The following MPRIP variants were observed in gnomAD, a reference collection of about 807,000 sequenced individuals.
The protein encoded by MPRIP is myosin phosphatase Rho interacting protein, also known as myosin phosphatase Rho-interacting protein.
In MPRIP, 59 loss-of-function variants were observed where a neutral mutation model predicts 234.9. The ratio of observed to expected loss-of-function variants is 0.25; its 90% confidence interval spans 0.20 to 0.31. The LOEUF is 0.31. Among genes scored for constraint, MPRIP ranks in the 10% least tolerant of loss-of-function variants. The pLI, the probability that MPRIP is intolerant of heterozygous loss-of-function variation, is 1.00. For missense variants in MPRIP, 2,436 were observed against 3,071.0 expected (o/e 0.79, Z 4.89); for synonymous variants, 1,144 against 1,263.9 (o/e 0.91, Z 2.01).
intron 15 of MPRIP, among the ~76,000 whole-genome samples, chr17:17,162,857 C>T (rs375651305): frequency 4.6e-5 from 7 of 152,212 alleles, no homozygotes; most frequent in African/African-American, 1.4e-4. Flanking sequence ...TTTTAAAATC[C>T]GAAACAGTTC....
rs1337953891 is a variant in MPRIP, at chr17:17,138,573, G to A, written c.1250+144G>A. On this transcript the variant is annotated intron_variant, in intron 7 of 23. Transcript: ENST00000651222. This position sits in a 1 kb window ranked among gnomAD's most constrained non-coding sequence, Gnocchi z 5.8. ...GCATGCTTTCTGTTCAGAGCATAGG[G>A]GTATTTTCCCTCTGGGCCCAGAACT... is the stretch of plus-strand genomic sequence containing the variant. The A allele has an allele frequency of 1.3e-5, 2 of 153,316 alleles. No homozygotes were observed. Among genetic ancestry groups the A allele is most frequent in the African/African-American group, 4.8e-5 (2 of 41,508 alleles). The allele number at this position is 153,316 out of a possible 1,614,324, so 9.5% of individuals were successfully genotyped here. A position where few individuals can be genotyped will look rare whatever the true frequency, so the allele number is the denominator to read the frequency against.
Position 17,165,375 on chromosome 17 carries a change from A to G in MPRIP, c.3784A>G (p.Arg1262Gly), listed in dbSNP as rs2045961825. 5 of 1,304,130 alleles carry G rather than the reference A, an allele frequency of 3.8e-6. No homozygotes were observed. The highest frequency in any genetic ancestry group is 5.1e-6 in the Non-Finnish European group (5 of 988,946). 80.8% of individuals were successfully genotyped at this position (1,304,130 alleles called of 1,614,324 possible). ...TRAPLGLPHT[R>G]LEDEDEDLGA... ...GGCACCTCTAGGCCTCCCACACACAAGGCTCGAGGATGAGGACGAGGACCT... is the reference window on the plus strand; with the variant it reads ...GGCACCTCTAGGCCTCCCACACACAGGGCTCGAGGATGAGGACGAGGACCT... The change falls in exon 16 of 24, where the codon AGG (arginine) becomes GGG (glycine). Residue 1262 changes from arginine (R) to glycine (G), a missense_variant. Coordinates refer to ENST00000651222, the MANE Select transcript of MPRIP (RefSeq NM_001364716.4).
rs569020451 is a variant in MPRIP, at chr17:17,190,058, C to T, written c.*5164C>T. ...TTCTTCTCTAGAGAGGTTCCTAGCC[C>T]GCTCAGCGCGAGCGTCTCCAGTAGG... On this transcript the variant is annotated 3_prime_UTR_variant, in exon 24 of 24. Transcript: ENST00000651222. 6.6e-6 allele frequency: 1 copy of T among 152,354 alleles called. No homozygotes were observed. Among genetic ancestry groups the T allele is most frequent in the African/African-American group, 2.4e-5 (1 of 41,586 alleles). The allele number at this position is 152,354 out of a possible 1,614,324, so 9.4% of individuals were successfully genotyped here. A position where few individuals can be genotyped will look rare whatever the true frequency, so the allele number is the denominator to read the frequency against.
chr17:17,049,255 CTAGA>C (rs1420536489), intron 1 of MPRIP, among the ~76,000 whole-genome samples: 1 of 152,174 alleles, frequency 6.6e-6, no homozygotes, highest in Non-Finnish European at 1.5e-5. Context: ...TGTTTTGGAA[CTAGA>C]TAAAAGTGCT....
intron 1 of MPRIP, among the ~76,000 whole-genome samples, chr17:17,056,914 A>G (rs1233329084): frequency 6.6e-6 from 1 of 152,184 alleles, no homozygotes; most frequent in Non-Finnish European, 1.5e-5. Flanking sequence ...CACTTGGCCT[A>G]ATGCTTTCAA....
intron 8 of MPRIP, 42 bp downstream of exon 8, chr17:17,142,807 G>T (rs866834193): frequency 1.2e-6 from 2 of 1,600,186 alleles, no homozygotes; most frequent in South Asian, 1.1e-5. Flanking sequence ...GGTGGCTCGG[G>T]GGCGGGTCAG....
chr17:17,132,727 TCCAC>T, intron 5 of MPRIP, among the ~76,000 whole-genome samples: 1 of 152,268 alleles, frequency 6.6e-6, no homozygotes, highest in African/African-American at 2.4e-5. Flanking sequence ...CCCATGGTCA[TCCAC>T]CCTCCATCCT....
Position 17,185,869 on chromosome 17 carries a change from C to T in MPRIP, c.*975C>T, listed in dbSNP as rs940265730. The T allele has an allele frequency of 4.9e-6, 1 of 204,696 alleles. No homozygotes were observed. The highest frequency in any genetic ancestry group is 1.5e-4 in the East Asian group (1 of 6,844). 12.7% of individuals were successfully genotyped at this position (204,696 alleles called of 1,614,324 possible). ...ATGTCAGAATCTGATGAGAACAGCA[C>T]ATTAGTGTTTATTGAGACTCCGATC... On this transcript the variant is annotated 3_prime_UTR_variant, in exon 24 of 24. Transcript: ENST00000651222.
intron 4 of MPRIP, among the ~76,000 whole-genome samples, chr17:17,131,008 C>G (rs1044447052): frequency 6.6e-6 from 1 of 152,196 alleles, no homozygotes; most frequent in East Asian, 1.9e-4. Flanking sequence ...GCAGCGCCTG[C>G]TTTTGCTGTG....
rs1233274567 is a variant in MPRIP, at chr17:17,165,518, A to C, written c.3927A>C (p.Lys1309Asn). 7.7e-7 allele frequency: 1 copy of C among 1,304,426 alleles called. No individual in the cohort carries two copies. Among genetic ancestry groups the C allele is most frequent in the Non-Finnish European group, 1.0e-6 (1 of 988,976 alleles). 80.8% of individuals were successfully genotyped at this position (1,304,426 alleles called of 1,614,324 possible). Residue 1309 changes from lysine (K) to asparagine (N), a missense_variant, in exon 16 of 24, where the codon AAA (lysine) becomes AAC (asparagine). Transcript: ENST00000651222. ...DREGHQQGTA[K>N]LDQGAPGVKR... is the part of the protein sequence containing the mutation. The stretch of plus-strand genomic sequence containing the variant: ...AGGGCCATCAGCAGGGCACAGCCAA[A>C]CTCGACCAAGGGGCACCTGGTGTTA...
chr17:17,042,810 T>TGCG lies in MPRIP; in HGVS notation c.-38_-36dup, dbSNP rs2088214388. 1 of 1,334,984 alleles carries TGCG rather than the reference T, an allele frequency of 7.5e-7. No homozygotes were observed. Among genetic ancestry groups the TGCG allele is most frequent in the Non-Finnish European group, 9.8e-7 (1 of 1,020,868 alleles). 82.7% of individuals were successfully genotyped at this position (1,334,984 alleles called of 1,614,324 possible). On this transcript the variant is annotated 5_prime_UTR_variant, in exon 1 of 24. Coordinates refer to ENST00000651222, the MANE Select transcript of MPRIP (RefSeq NM_001364716.4). Reference sequence around the variant, plus strand: ...CCGGGAGCGCCAGGCCGGCCAGGCCTGCGCCGCCGCCGCCGCCGCCGTCGC... The same window carrying TGCG: ...CCGGGAGCGCCAGGCCGGCCAGGCCTGCGGCGCCGCCGCCGCCGCCGCCGTCGC...
chr17:17,127,894 G>C (rs2090523618), intron 4 of MPRIP, among the ~76,000 whole-genome samples: 2 of 152,246 alleles, frequency 1.3e-5, no homozygotes. Context: ...AGGCGTCCAG[G>C]AGCCAGTGCT....
intron 3 of MPRIP, among the ~76,000 whole-genome samples, chr17:17,094,110 G>A (rs992797205): frequency 4.0e-5 from 6 of 151,650 alleles, no homozygotes; most frequent in East Asian, 3.9e-4. Flanking sequence ...TTGTTTGTTC[G>A]TTTTTGTTTT....
rs1426509393 is a variant in MPRIP, at chr17:17,166,774, T to C, written c.5183T>C (p.Leu1728Ser). The change falls in exon 16 of 24, where the codon TTG becomes TCG. Residue 1728 changes from leucine (L) to serine (S), a missense_variant. Transcript: ENST00000651222. This position sits in a 1 kb window ranked among gnomAD's most constrained non-coding sequence, Gnocchi z 4.4. ...TTTGAAAGAGTGATGCAGCAGGTCT[T>C]GGAAGCCCTCAGGCTTCCAGCGGGC... ...PDFERVMQQVLEALRLPAGHE... is the reference protein window; with the variant it reads ...PDFERVMQQVSEALRLPAGHE... The C allele has an allele frequency of 7.7e-7, 1 of 1,304,096 alleles. No individual in the cohort carries two copies. Among genetic ancestry groups the C allele is most frequent in the Non-Finnish European group, 1.0e-6 (1 of 988,958 alleles). The allele number at this position is 1,304,096 out of a possible 1,614,324, so 80.8% of individuals were successfully genotyped here.
chr17:17,048,891 A>G (rs964399101), intron 1 of MPRIP, among the ~76,000 whole-genome samples: 100 of 152,394 alleles, frequency 6.6e-4, no homozygotes, highest in East Asian at 1.2e-3. Context: ...ACAAATGTTC[A>G]TAACAGCACT....
In MPRIP at chr17:17,171,756, G is replaced by A. The variant is rs756119982; in HGVS notation, c.6363G>A (p.Thr2121=). The A allele has an allele frequency of 9.3e-6, 15 of 1,613,500 alleles. No homozygotes were observed. The highest frequency in any genetic ancestry group is 2.7e-5 in the African/African-American group (2 of 74,918). Reference sequence around the variant, plus strand: ...GAGGGTTTGCAGCAATGGAAGAAACGCACCAGAAGAAGATTGAAGATCTCC... The same window carrying A: ...GAGGGTTTGCAGCAATGGAAGAAACACACCAGAAGAAGATTGAAGATCTCC... ...CERGFAAMEE[T]HQKKIEDLQR... is the part of the protein sequence containing the mutation. The change falls in exon 17 of 24, where the codon ACG becomes ACA. Residue 2121 remains threonine, a synonymous_variant. Transcript: ENST00000651222.
intron 3 of MPRIP, among the ~76,000 whole-genome samples, chr17:17,097,721 G>A (rs2089877708): frequency 6.6e-6 from 1 of 152,204 alleles, no homozygotes; most frequent in African/African-American, 2.4e-5. Context: ...TGAGACAGCT[G>A]ATAGTTACCT....
intron 22 of MPRIP, 140 bp from the exon 23 acceptor site, chr17:17,179,863 A>G: frequency 1.5e-6 from 1 of 671,694 alleles, no homozygotes; most frequent in Non-Finnish European, 2.6e-6. Flanking sequence ...TTGGCTTTGA[A>G]TTCCCTTAGA....
rs752317004 is a variant in MPRIP at position 17,172,805 on chromosome 17, C to T, written c.6580C>T (p.Arg2194Cys). Residue 2194 changes from arginine (R) to cysteine (C), a missense_variant, in exon 18 of 24, where the codon CGC (arginine) becomes TGC (cysteine). Arg to Cys is a radical substitution (Grantham distance 180, BLOSUM62 -3). Around this residue, in one of 4 missense-constraint regions of MPRIP, gnomAD observed 1,998 missense variants for 2,520.3 expected, o/e 0.79. Transcript: ENST00000651222. ...SVNSDVEALR[R>C]QYLEELQSVQ... ...CAACTCGGATGTTGAGGCCCTGCGG[C>T]GCCAGTACCTGTAAGTGGCTGGGCC... is the stretch of plus-strand genomic sequence containing the variant. 27 of 1,612,050 alleles carry T rather than the reference C, an allele frequency of 1.7e-5. No individual in the cohort carries two copies. The highest frequency in any genetic ancestry group is 8.9e-5 in the East Asian group (4 of 44,886).
Sources: gnomAD v4.1 joint callset for allele counts (sites outside exome capture counted in the v4.1 genomes callset) on GRCh38, gnomAD v4.1.1 for gene constraint, gnomAD v4.1.1 regional missense constraint, Gnocchi (gnomAD v3.1) non-coding constraint, MANE v1.5 for transcripts, NCBI Gene and HGNC (gene_info 2026-07-23, HGNC 2026-07-21) for gene names.